Variants in WDR7 observed in about 807,000 individuals in gnomAD.
WDR7 encodes the protein WD repeat-containing protein 7.
A neutral mutation model predicts 169.4 loss-of-function variants in WDR7; 46 were observed. The observed-to-expected ratio is 0.27, with a 90% CI of 0.21 to 0.35. The LOEUF (loss-of-function observed/expected upper bound fraction) is 0.35, where lower values mean the gene tolerates loss of function less well. WDR7 is among the 10% of genes least tolerant of loss of function. WDR7 has a pLI of 1.00. For synonymous variants in WDR7, 612 were observed against 666.8 expected, an observed-to-expected ratio of 0.92 and a Z score of 1.27; for missense variants, 1,534 against 1,859.3, an observed-to-expected ratio of 0.83 and a Z score of 3.22.
chr18:56,956,891 A>T (rs1313838328), intron 25 of WDR7, among the ~76,000 whole-genome samples: 1 of 152,200 alleles, frequency 6.6e-6, no homozygotes, highest in African/African-American at 2.4e-5. Context: ...CAAAAATGTG[A>T]TACTTTTTTT....
intron 1 of WDR7, among the ~76,000 whole-genome samples, chr18:56,656,563 A>G (rs2144412545): frequency 6.9e-6 from 1 of 144,468 alleles, no homozygotes; most frequent in Non-Finnish European, 1.5e-5. Flanking sequence ...TATAGATGTG[A>G]GCCACTGCGC....
chr18:56,984,634 C>T (rs1375595208), intron 26 of WDR7, among the ~76,000 whole-genome samples: 3 of 152,050 alleles, frequency 2.0e-5, no homozygotes, highest in South Asian at 2.1e-4. Context: ...CATGTTTGCC[C>T]TTTTTTATAT....
At chr18:56,820,508 A>AATTTG (rs2045076243) in intron 20 of WDR7, among the ~76,000 whole-genome samples, 2 of 151,856 alleles carry the variant, frequency 1.3e-5, no homozygotes, top group East Asian at 3.9e-4. Context: ...CTACATTTTG[A>AATTTG]TTACTCATTC....
chr18:57,015,719 A>C (rs751802832), intron 26 of WDR7, among the ~76,000 whole-genome samples: 3 of 152,198 alleles, frequency 2.0e-5, no homozygotes, highest in Non-Finnish European at 2.9e-5. Context: ...GAGAGATGCC[A>C]AACGTACGAT....
chr18:56,805,499 T>C (rs1210019127), intron 19 of WDR7, among the ~76,000 whole-genome samples: 1 of 152,198 alleles, frequency 6.6e-6, no homozygotes, highest in Non-Finnish European at 1.5e-5. Flanking sequence ...TTTCAACATT[T>C]AGGATTATGG....
chr18:56,658,658 G>A (rs977615825), intron 1 of WDR7, among the ~76,000 whole-genome samples: 2 of 152,154 alleles, frequency 1.3e-5, no homozygotes, highest in African/African-American at 4.8e-5. Flanking sequence ...CAAATAAACA[G>A]TATAAACTTC....
At chr18:56,718,593 T>A (rs1015449321) in intron 13 of WDR7, among the ~76,000 whole-genome samples, 1 of 152,194 alleles carries the variant, frequency 6.6e-6, no homozygotes, top group African/African-American at 2.4e-5. Flanking sequence ...GAGAGAACAT[T>A]TAAAATTTCG....
At chr18:56,811,031 G>T (rs2044859752) in intron 19 of WDR7, among the ~76,000 whole-genome samples, 1 of 152,108 alleles carries the variant, frequency 6.6e-6, no homozygotes, top group Admixed American at 6.6e-5. Context: ...CATGTAAATG[G>T]AATCATAAGG....
intron 12 of WDR7, among the ~76,000 whole-genome samples, chr18:56,709,251 T>C (rs1456550378): frequency 6.6e-6 from 1 of 152,124 alleles, no homozygotes; most frequent in African/African-American, 2.4e-5. Context: ...TCAGATTAAA[T>C]TAAAGCAGAG....
At chr18:56,734,466 C>T (rs2469454) in intron 14 of WDR7, among the ~76,000 whole-genome samples, 1 of 148,874 alleles carries the variant, frequency 6.7e-6, no homozygotes, top group Admixed American at 6.8e-5. Flanking sequence ...TGTCTTTAGA[C>T]GTTGTCAAAT....
At chr18:56,964,209 CAAAAAAA>C (rs370790953) in intron 26 of WDR7, among the ~76,000 whole-genome samples, 6 of 68,748 alleles carry the variant, frequency 8.7e-5, no homozygotes, top group African/African-American at 1.9e-4. Flanking sequence ...TGGTAACATG[CAAAAAAA>C]AAAAAAAAAA....
At chr18:56,916,208 G>A (rs569358834) in intron 21 of WDR7, among the ~76,000 whole-genome samples, 1 of 152,078 alleles carries the variant, frequency 6.6e-6, no homozygotes, top group African/African-American at 2.4e-5. Context: ...ATGTTGGTGT[G>A]CTGTACCCAT....
intron 19 of WDR7, among the ~76,000 whole-genome samples, chr18:56,811,933 T>G (rs1047680717): frequency 3.3e-5 from 5 of 152,202 alleles, no homozygotes; most frequent in Non-Finnish European, 7.3e-5. Flanking sequence ...GTTTCAGAAT[T>G]GTTTTGTCCT....
chr18:56,966,796 A>G (rs958983058), intron 26 of WDR7, among the ~76,000 whole-genome samples: 59 of 152,146 alleles, frequency 3.9e-4, no homozygotes, highest in Non-Finnish European at 1.3e-4. Flanking sequence ...GGATTAAGAT[A>G]TTGGAGGTAT....
intron 25 of WDR7, among the ~76,000 whole-genome samples, chr18:56,946,931 T>C (rs1352550015): frequency 6.6e-6 from 1 of 152,228 alleles, no homozygotes; most frequent in East Asian, 1.9e-4. Flanking sequence ...TCACACACTA[T>C]TAACTAGCTG....
chr18:56,775,569 A>G (rs1599034305), intron 16 of WDR7, among the ~76,000 whole-genome samples: 2 of 152,160 alleles, frequency 1.3e-5, no homozygotes, highest in African/African-American at 2.4e-5. Context: ...TTTTAATTTC[A>G]TAAGGAACAA....
intron 16 of WDR7, among the ~76,000 whole-genome samples, chr18:56,774,130 C>A (rs1291628416): frequency 6.6e-6 from 1 of 151,892 alleles, no homozygotes; most frequent in Non-Finnish European, 1.5e-5. Context: ...AGATTTAGAC[C>A]AATATGTATG....
intron 20 of WDR7, among the ~76,000 whole-genome samples, chr18:56,828,630 TTAAA>T (rs2045253729): frequency 6.6e-6 from 1 of 152,210 alleles, no homozygotes. Context: ...CATACTATCA[TTAAA>T]TAGTCTTGCC....
At chr18:56,978,397 G>A (rs1305696857) in intron 26 of WDR7, among the ~76,000 whole-genome samples, 1 of 142,296 alleles carries the variant, frequency 7.0e-6, no homozygotes. Flanking sequence ...CATTTATTGA[G>A]TGCTACTATA....
Sources: allele counts gnomAD v4.1 joint callset (sites outside exome capture counted in the v4.1 genomes callset), GRCh38; gene constraint gnomAD v4.1.1; transcripts MANE v1.5; gene names NCBI Gene and HGNC (gene_info 2026-07-23, HGNC 2026-07-21).